Variants in CELF6 observed in about 807,000 individuals in gnomAD.
The protein encoded by CELF6 is CUGBP Elav-like family member 6.
Under a neutral mutation model 53.1 loss-of-function variants are expected in CELF6, and 32 were observed. That is an observed-to-expected ratio of 0.60 (90% confidence interval 0.46 to 0.81). The LOEUF is 0.81. Among genes scored for constraint, CELF6 ranks in the 30% least tolerant of loss-of-function variants. CELF6 has a pLI of 0.00. For missense variants in CELF6, 539 were observed against 669.5 expected (o/e 0.81, Z 2.15); for synonymous variants, 291 against 288.8 (o/e 1.01, Z -0.08).
At chr15:72,290,441 G>T (rs114058432) in intron 3 of CELF6, among the ~76,000 whole-genome samples, 186 bp from the exon 4 acceptor site, 2,283 of 152,276 alleles carry the variant, frequency 0.015, 56 homozygotes, top group African/African-American at 0.052. Flanking sequence ...CTGGAGAAGG[G>T]AGCTCAGCTC....
At position 72,302,227 on chromosome 15, in the gene CELF6, G is replaced by T. The variant is rs546800267; in HGVS notation, c.394+2519C>A. ...CTGTTCTGCAAGACTGGATACATAG[G>T]CCTTTTCTCTCCTGAATATATAGTA... On this transcript the variant is annotated intron_variant, in intron 3 of 12. Coordinates refer to ENST00000287202, the MANE Select transcript of CELF6 (RefSeq NM_052840.5). Among the ~76,000 whole-genome samples, 51 of 152,266 alleles carry T rather than the reference G, an allele frequency of 3.3e-4. No homozygotes were observed. The South Asian group carries it at 6.2e-3, about 19-fold the overall frequency.
chr15:72,296,242 C>A (rs1595778357), intron 3 of CELF6, among the ~76,000 whole-genome samples: 2 of 152,184 alleles, frequency 1.3e-5, no homozygotes, highest in East Asian at 3.9e-4. Flanking sequence ...TGGATGAGTC[C>A]TAAATGTAAG....
At chr15:72,318,449 C>T (rs546261628) in intron 1 of CELF6, among the ~76,000 whole-genome samples, 2 of 152,294 alleles carry the variant, frequency 1.3e-5, no homozygotes, top group East Asian at 3.9e-4. Context: ...TGACTCTTTC[C>T]CAGCAAAAAC....
intron 2 of CELF6, among the ~76,000 whole-genome samples, chr15:72,310,256 G>A (rs2088278054): frequency 6.6e-6 from 1 of 152,108 alleles, no homozygotes; most frequent in Admixed American, 6.5e-5. Context: ...GGAGGTGCAG[G>A]GCAGAGTGGG....
intron 2 of CELF6, chr15:72,313,765 C>T: frequency 1.0e-6 from 1 of 980,528 alleles, no homozygotes; most frequent in Non-Finnish European, 1.2e-6. Context: ...TCATTTGCTC[C>T]CATGATTAGA....
At chr15:72,286,513 C>T (rs2141181349) in intron 12 of CELF6, among the ~76,000 whole-genome samples, 171 bp from the exon 13 acceptor site, 1 of 152,334 alleles carries the variant, frequency 6.6e-6, no homozygotes, top group Non-Finnish European at 1.5e-5. Context: ...GCAGCCCCGT[C>T]CACTGAAGCC....
At position 72,290,404 on chromosome 15, in the gene CELF6, T is replaced by C. The variant is rs8033635; in HGVS notation, c.395-149A>G. On this transcript the variant is annotated intron_variant, in intron 3 of 12. Coordinates refer to ENST00000287202, the MANE Select transcript of CELF6 (RefSeq NM_052840.5). Reference sequence around the variant, plus strand: ...CCTGGGCTTCCAGGGTTGGTTTTCATTGAGGGGCAGGATCTGGGGAAGGGA... The same window carrying C: ...CCTGGGCTTCCAGGGTTGGTTTTCACTGAGGGGCAGGATCTGGGGAAGGGA... 1,526 of 916,944 alleles carry C rather than the reference T, an allele frequency of 1.7e-3. 2 individuals carry two copies. The highest frequency in any genetic ancestry group is 8.3e-3 in the African/African-American group (494 of 59,676). The allele number at this position is 916,944 out of a possible 1,614,324, so 56.8% of individuals were successfully genotyped here. A position where few individuals can be genotyped will look rare whatever the true frequency, so the allele number is the denominator to read the frequency against.
At chr15:72,312,719 C>T (rs895420431) in intron 2 of CELF6, among the ~76,000 whole-genome samples, 5 of 152,224 alleles carry the variant, frequency 3.3e-5, no homozygotes, top group African/African-American at 1.2e-4. Flanking sequence ...CTTTTCTGGT[C>T]CCATGGTGAC....
In CELF6 at chr15:72,319,797, G is replaced by C; in HGVS notation, c.78C>G (p.Gly26=). The part of the protein sequence containing the change: ...PRLGFSTADS[G]VGMSGLNPGP... The stretch of plus-strand genomic sequence containing the variant: ...CGGGGTTTAGCCCGCTCATGCCGAC[G>C]CCGCTGTCCGCGGTGCTGAAACCCA... Residue 26 remains glycine (G), a synonymous_variant, in exon 1 of 13, where the codon GGC becomes GGG. Coordinates refer to ENST00000287202, the MANE Select transcript of CELF6 (RefSeq NM_052840.5). The surrounding 1 kb of genome is among the most constrained non-coding windows in gnomAD (Gnocchi z 5.0). 1.3e-6 allele frequency: 2 copies of C among 1,559,482 alleles called. No individual in the cohort carries two copies. The highest frequency in any genetic ancestry group is 1.7e-6 in the Non-Finnish European group (2 of 1,151,130).
intron 11 of CELF6, 138 bp from the exon 12 acceptor site, chr15:72,287,530 CAG>C (rs1480736712): frequency 1.1e-6 from 1 of 950,922 alleles, no homozygotes. Flanking sequence ...TGTGTGGATA[CAG>C]AGTCATAGGC....
intron 3 of CELF6, 125 bp downstream of exon 3, chr15:72,304,621 T>C: frequency 2.4e-6 from 2 of 819,480 alleles, no homozygotes; most frequent in Non-Finnish European, 4.1e-6. Context: ...TCAGCAACTC[T>C]GAGCCCCACC....
At chr15:72,287,930 C>T (rs147655405) in intron 11 of CELF6, among the ~76,000 whole-genome samples, 6 of 151,894 alleles carry the variant, frequency 4.0e-5, no homozygotes, top group East Asian at 3.9e-4. Context: ...CTTTCCCTCT[C>T]GGATTCAAGA....
At chr15:72,297,549 G>T (rs1383503419) in intron 3 of CELF6, among the ~76,000 whole-genome samples, 1 of 152,150 alleles carries the variant, frequency 6.6e-6, no homozygotes, top group African/African-American at 2.4e-5. Context: ...TACAAACAAA[G>T]AACTATTATT....
chr15:72,292,489 T>C (rs1388948889), intron 3 of CELF6, among the ~76,000 whole-genome samples: 1 of 152,206 alleles, frequency 6.6e-6, no homozygotes, highest in African/African-American at 2.4e-5. Context: ...GTAGTGGAGC[T>C]GTGTCATTGG....
At chr15:72,311,997 G>C (rs1301660555) in intron 2 of CELF6, among the ~76,000 whole-genome samples, 1 of 152,198 alleles carries the variant, frequency 6.6e-6, no homozygotes, top group Non-Finnish European at 1.5e-5. Context: ...AGTAACATCT[G>C]CCTTCTTCAC....
Position 72,320,147 on chromosome 15 carries a change from C to A in CELF6, c.-273G>T. 1.6e-6 allele frequency: 1 copy of A among 632,038 alleles called. No homozygotes were observed. The highest frequency in any genetic ancestry group is 2.1e-5 in the Admixed American group (1 of 47,582). The allele number at this position is 632,038 out of a possible 1,614,324, so 39.2% of individuals were successfully genotyped here. On this transcript the variant is annotated 5_prime_UTR_variant, in exon 1 of 13. Coordinates refer to ENST00000287202, the MANE Select transcript of CELF6 (RefSeq NM_052840.5). Reference sequence around the variant, plus strand: ...CCCCGTGCGGCTCTCTCTGGGCTCCCGCCCGAGCTCTCCCAGAGCCGAGCC... The same window carrying A: ...CCCCGTGCGGCTCTCTCTGGGCTCCAGCCCGAGCTCTCCCAGAGCCGAGCC...
Position 72,319,187 on chromosome 15 carries a change from G to A in CELF6, c.262+426C>T. On this transcript the variant is annotated intron_variant, in intron 1 of 12. Transcript: ENST00000287202. This position sits in a 1 kb window ranked among gnomAD's most constrained non-coding sequence, Gnocchi z 5.0. ...GTGCAAGTCCAAGATATGCATGTGG[G>A]TGGTTAGGCCTGAGTGAGGTGCCAC... 6.6e-6 allele frequency among the ~76,000 whole-genome samples: 1 copy of A among 152,152 alleles called. No individual in the cohort carries two copies. The highest frequency in any genetic ancestry group is 1.9e-4 in the East Asian group (1 of 5,190).
At chr15:72,307,353 A>G (rs1347586970) in intron 2 of CELF6, among the ~76,000 whole-genome samples, 1 of 152,110 alleles carries the variant, frequency 6.6e-6, no homozygotes, top group African/African-American at 2.4e-5. Context: ...TGCTGCCAGC[A>G]TTTCCTGAAC....
chr15:72,299,602 C>T, intron 3 of CELF6, among the ~76,000 whole-genome samples: 1 of 152,092 alleles, frequency 6.6e-6, no homozygotes, highest in Non-Finnish European at 1.5e-5. Flanking sequence ...CTCAGCCAAT[C>T]CACCCGCCTC....
Sources: gnomAD v4.1 joint callset for allele counts (sites outside exome capture counted in the v4.1 genomes callset) on GRCh38, gnomAD v4.1.1 for gene constraint, Gnocchi (gnomAD v3.1) non-coding constraint, MANE v1.5 for transcripts, NCBI Gene and HGNC (gene_info 2026-07-23, HGNC 2026-07-21) for gene names.